The following GNG2 variants were observed in gnomAD, a reference collection of about 807,000 sequenced individuals.
The protein encoded by GNG2 is G protein subunit gamma 2, also known as guanine nucleotide-binding protein G(I)/G(S)/G(O) subunit gamma-2.
In GNG2, 5 loss-of-function variants were observed where a neutral mutation model predicts 5.5. The ratio of observed to expected loss-of-function variants is 0.91; its 90% CI spans 0.48 to 1.92. The LOEUF (loss-of-function observed/expected upper bound fraction) is 1.92. GNG2 is among the 30% of genes most tolerant of loss of function. GNG2 has a pLI of 0.01. For synonymous variants in GNG2, 28 were observed against 32.0 expected, an observed-to-expected ratio of 0.88 and a Z score of 0.42; for missense variants, 55 against 88.4, an observed-to-expected ratio of 0.62 and a Z score of 1.52.
At chr14:51,881,057 C>A in intron 2 of GNG2, among the ~76,000 whole-genome samples, 1 of 148,996 alleles carries the variant, frequency 6.7e-6, no homozygotes, top group East Asian at 2.0e-4. Context: ...CCTTTCAGTT[C>A]TCCTGTGTTA....
At chr14:51,914,370 T>C in intron 2 of GNG2, 2 of 672,714 alleles carry the variant, frequency 3.0e-6, no homozygotes, top group Admixed American at 2.2e-5. Flanking sequence ...TAGCTCCTGC[T>C]CTAATCCTTT....
chr14:51,914,304 C>T (rs1307766673), intron 2 of GNG2: 1 of 701,922 alleles, frequency 1.4e-6, no homozygotes, highest in Non-Finnish European at 2.6e-6. Context: ...CCGTCTCAGG[C>T]CATTTCATTA....
chr14:51,899,148 C>A (rs911004287), intron 2 of GNG2, among the ~76,000 whole-genome samples: 1 of 152,138 alleles, frequency 6.6e-6, no homozygotes, highest in African/African-American at 2.4e-5. Flanking sequence ...TGTCCTGACC[C>A]CTTTCTGACA....
rs766118676 is a variant in GNG2 at position 51,912,349 on chromosome 14, AC to A, written c.-30+34696del. 3.9e-5 allele frequency among the ~76,000 whole-genome samples: 6 copies of A among 152,172 alleles called. No individual in the cohort carries two copies. In the East Asian group the frequency reaches 5.8e-4, roughly 15 times the overall value. ...AGCTGCTCCCATCTTCTATCCCCACACCCCAACCCCCAAAATCCCTTAATTC... is the reference window on the plus strand; with the variant it reads ...AGCTGCTCCCATCTTCTATCCCCACACCCAACCCCCAAAATCCCTTAATTC... On this transcript the variant is annotated intron_variant, in intron 2 of 3. Coordinates refer to ENST00000556766, the MANE Select transcript of GNG2 (RefSeq NM_053064.5).
chr14:51,921,228 A>C (rs1318174350), intron 2 of GNG2, among the ~76,000 whole-genome samples: 1 of 152,120 alleles, frequency 6.6e-6, no homozygotes, highest in African/African-American at 2.4e-5. Flanking sequence ...CCGTTCCAAA[A>C]CTGTAAGATG....
chr14:51,892,762 G>T (rs35673554), intron 2 of GNG2, among the ~76,000 whole-genome samples: 2 of 151,902 alleles, frequency 1.3e-5, no homozygotes, highest in Admixed American at 1.3e-4. Context: ...ATTATTCCAC[G>T]TTTTTCTTCA....
chr14:51,862,016 A>C (rs1015015639), intron 1 of GNG2, among the ~76,000 whole-genome samples: 1 of 152,236 alleles, frequency 6.6e-6, no homozygotes. Flanking sequence ...ATAGGTTCTT[A>C]GATACCAAAT....
rs1555348001 is a variant in GNG2 at position 51,847,875 on chromosome 14, C to CTTTTTTTTTTTTTTT, written c.64+20073_64+20074insTTTTTTTTTTTTTTT. Among the ~76,000 whole-genome samples, 4 of 66,148 alleles carry CTTTTTTTTTTTTTTT rather than the reference C, an allele frequency of 6.0e-5. 2 individuals carry two copies. The highest frequency in any genetic ancestry group is 8.9e-5 in the African/African-American group (2 of 22,516). The allele number at this position is 66,148 out of a possible 152,430, so 43.4% of individuals were successfully genotyped here. A position where few individuals can be genotyped will look rare whatever the true frequency, so the allele number is the denominator to read the frequency against. On this transcript the variant is annotated intron_variant, in intron 2 of 3. Coordinates refer to the GNG2 transcript ENST00000553432. ...GGATGTTACTCTATGAATACAGGTCCTTTTTCTTTTTTTTTTTTTTTTTTT... is the reference window on the plus strand; with the variant it reads ...GGATGTTACTCTATGAATACAGGTCCTTTTTTTTTTTTTTTTTTTTCTTTTTTTTTTTTTTTTTTT...
At chr14:51,951,842 A>T (rs950009899) in intron 3 of GNG2, 1 of 700,778 alleles carries the variant, frequency 1.4e-6, no homozygotes, top group South Asian at 1.5e-5. Flanking sequence ...AACAGAGACC[A>T]TATGGCCCAC....
intron 2 of GNG2, among the ~76,000 whole-genome samples, chr14:51,921,424 C>T (rs780161580): frequency 2.0e-5 from 3 of 152,146 alleles, no homozygotes; most frequent in Non-Finnish European, 4.4e-5. Context: ...CTGGAGTGAA[C>T]ATATAAACAA....
At chr14:51,866,161 TG>T (rs1047189769) in intron 1 of GNG2, among the ~76,000 whole-genome samples, 1 of 152,168 alleles carries the variant, frequency 6.6e-6, no homozygotes, top group African/African-American at 2.4e-5. Context: ...CCTTGCTCCC[TG>T]GCCAGCCCGG....
At chr14:51,864,773 G>C (rs929247588) in intron 1 of GNG2, among the ~76,000 whole-genome samples, 1 of 152,136 alleles carries the variant, frequency 6.6e-6, no homozygotes, top group African/African-American at 2.4e-5. Context: ...GAAAGGGAGG[G>C]GAGAAACTAA....
At chr14:51,863,124 A>C (rs1346000303) in intron 1 of GNG2, among the ~76,000 whole-genome samples, 1 of 152,194 alleles carries the variant, frequency 6.6e-6, no homozygotes, top group Non-Finnish European at 1.5e-5. Context: ...CTGCTTCAGA[A>C]AGCAGGCCCA....
intron 2 of GNG2, among the ~76,000 whole-genome samples, chr14:51,848,417 T>C (rs1881739560): frequency 6.6e-6 from 1 of 152,140 alleles, no homozygotes. Context: ...AGCCCCCGAC[T>C]ACTGCCCCAT....
intron 1 of GNG2, among the ~76,000 whole-genome samples, chr14:51,876,038 A>G (rs1483088556): frequency 6.6e-6 from 1 of 150,410 alleles, no homozygotes; most frequent in East Asian, 1.9e-4. Flanking sequence ...CCTGGGCTCA[A>G]GCTATCCTCC....
At chr14:51,880,967 GAA>G (rs11463019) in intron 2 of GNG2, among the ~76,000 whole-genome samples, 2,785 of 101,978 alleles carry the variant, frequency 0.027, 31 homozygotes, top group Non-Finnish European at 0.038. Context: ...CAAAAAAAAA[GAA>G]AAAAAAAAAA....
chr14:51,873,895 A>G (rs1883467459), intron 1 of GNG2: 1 of 152,224 alleles, frequency 6.6e-6, no homozygotes, highest in African/African-American at 2.4e-5. Flanking sequence ...CGACTCCTTT[A>G]TCTTGGACAG....
intron 2 of GNG2, among the ~76,000 whole-genome samples, chr14:51,879,687 G>A (rs1433298089): frequency 3.3e-5 from 5 of 152,132 alleles, no homozygotes; most frequent in Non-Finnish European, 7.4e-5. Flanking sequence ...CTCTCCATGC[G>A]TCTTTCTACC....
At chr14:51,883,580 T>C (rs1401709111) in intron 2 of GNG2, among the ~76,000 whole-genome samples, 1 of 151,946 alleles carries the variant, frequency 6.6e-6, no homozygotes, top group African/African-American at 2.4e-5. Flanking sequence ...AAAAAGGAGG[T>C]TTCATGTTTG....
Sources: allele counts gnomAD v4.1 joint callset (sites outside exome capture counted in the v4.1 genomes callset), GRCh38; gene constraint gnomAD v4.1.1; transcripts MANE v1.5; gene names NCBI Gene and HGNC (gene_info 2026-07-23, HGNC 2026-07-21).